Variants in CDK11B observed in about 807,000 individuals in gnomAD.
CDK11B encodes the protein cyclin dependent kinase 11B, also known as cyclin-dependent kinase 11B.
Under a neutral mutation model 84.0 loss-of-function variants are expected in CDK11B, and 37 were observed. The observed-to-expected ratio is 0.44, with a 90% CI of 0.34 to 0.58. CDK11B has a LOEUF of 0.58. Among genes scored for constraint, CDK11B ranks in the 20% least tolerant of loss-of-function variants. The probability of loss-of-function intolerance (pLI) is 0.02; values close to 1 mark genes in which losing one functional copy is unlikely to be tolerated. For missense variants in CDK11B, 427 were observed against 834.0 expected, an observed-to-expected ratio of 0.51 and a Z score of 6.01; for synonymous variants, 269 against 309.8, an observed-to-expected ratio of 0.87 and a Z score of 1.38.
intron 14 of CDK11B, 76 bp downstream of exon 14, chr1:1,637,332 C>A (rs1639506879): frequency 6.4e-7 from 1 of 1,573,740 alleles, no homozygotes; most frequent in African/African-American, 1.3e-5. Context: ...GCCCTCCCTG[C>A]AGCACTGTCA....
In CDK11B at chr1:1,658,918, ACGC is replaced by A; in HGVS notation, c.-21_-19del. ...GTCCGCCCAGTCGGAACTCACCCCTACGCCGCCGCCGCTGCCGCCGCCGCCGCC... is the reference window on the plus strand; with the variant it reads ...GTCCGCCCAGTCGGAACTCACCCCTACGCCGCCGCTGCCGCCGCCGCCGCC... On this transcript the variant is annotated 5_prime_UTR_variant, in exon 1 of 20. Transcript: ENST00000341832. 12 of 192,144 alleles carry A rather than the reference ACGC, an allele frequency of 6.2e-5. No individual in the cohort carries two copies. Among genetic ancestry groups the A allele is most frequent in the South Asian group, 1.4e-4 (2 of 14,038 alleles). 11.9% of individuals were successfully genotyped at this position (192,144 alleles called of 1,614,324 possible).
At chr1:1,655,920 A>C (rs982875986) in intron 2 of CDK11B, among the ~76,000 whole-genome samples, 1 of 152,136 alleles carries the variant, frequency 6.6e-6, no homozygotes, top group Non-Finnish European at 1.5e-5. Context: ...CTTTAATTCA[A>C]ATCTTATCAC....
intron 11 of CDK11B, among the ~76,000 whole-genome samples, chr1:1,638,833 G>A (rs1404453694): frequency 6.6e-6 from 1 of 152,002 alleles, no homozygotes; most frequent in Non-Finnish European, 1.5e-5. Context: ...AGGTGCAAGG[G>A]CTCAGGCCTG....
intron 3 of CDK11B, among the ~76,000 whole-genome samples, chr1:1,653,931 C>A (rs1258137826): frequency 1.3e-5 from 2 of 152,002 alleles, no homozygotes; most frequent in African/African-American, 4.8e-5. Context: ...CTCACTTGAA[C>A]CCGGGAGCTG....
rs577578288 is a variant in CDK11B at position 1,638,776 on chromosome 1, A to G, written c.1252-186T>C. 1.1e-4 allele frequency among the ~76,000 whole-genome samples: 17 copies of G among 152,328 alleles called. No homozygotes were observed. The East Asian group carries it at 2.7e-3, about 24-fold the overall frequency. On this transcript the variant is annotated intron_variant, in intron 11 of 19. Transcript: ENST00000341832. ...CTCTTTCCTTGCAAAACCATCTGACACTTTATTATGAAACAAAACCAGTGT... is the reference window on the plus strand; with the variant it reads ...CTCTTTCCTTGCAAAACCATCTGACGCTTTATTATGAAACAAAACCAGTGT...
At position 1,652,413 on chromosome 1, in the gene CDK11B, G is replaced by A. The variant is rs1642136923; in HGVS notation, c.355+26C>T. 20 of 1,482,998 alleles carry A rather than the reference G, an allele frequency of 1.3e-5. No homozygotes were observed. The South Asian group carries it at 2.2e-4, about 16-fold the overall frequency. The allele number at this position is 1,482,998 out of a possible 1,614,324, so 91.9% of individuals were successfully genotyped here. A position where few individuals can be genotyped will look rare whatever the true frequency, so the allele number is the denominator to read the frequency against. ...GAAAGAAACCACACTTGAACATGAT[G>A]TCAAAGAAAGTAAATGCTTCTGTAC... is the stretch of plus-strand genomic sequence containing the variant. On this transcript the variant is annotated intron_variant, in intron 4 of 19. Coordinates refer to ENST00000341832, the MANE Select transcript of CDK11B (RefSeq NM_033486.3).
chr1:1,649,917 A>G (rs1641676431), intron 4 of CDK11B, among the ~76,000 whole-genome samples: 1 of 146,608 alleles, frequency 6.8e-6, no homozygotes, highest in South Asian at 2.3e-4. Context: ...CGGAGGTTGC[A>G]GTGAGCCGAG....
rs1435930760 is a variant in CDK11B, at chr1:1,635,543, T to C, written c.*221A>G. The C allele has an allele frequency of 0.89, 431,742 of 484,928 alleles. 201,940 individuals are homozygous for C. Among genetic ancestry groups the C allele is most frequent in the East Asian group, 1 (23,522 of 23,560 alleles). The allele number at this position is 484,928 out of a possible 1,614,324, so 30.0% of individuals were successfully genotyped here. A position where few individuals can be genotyped will look rare whatever the true frequency, so the allele number is the denominator to read the frequency against. ...TGCCCCACGTGGGCACCCGAAGATG[T>C]CCACCCTCTCCGCCCTGGGCAAGTC... On this transcript the variant is annotated 3_prime_UTR_variant, in exon 20 of 20. Coordinates refer to ENST00000341832, the MANE Select transcript of CDK11B (RefSeq NM_033486.3).
chr1:1,656,519 G>A (rs1642770493), intron 2 of CDK11B, among the ~76,000 whole-genome samples: 1 of 152,072 alleles, frequency 6.6e-6, no homozygotes, highest in Admixed American at 6.6e-5. Flanking sequence ...GGGCGCGGAG[G>A]CTCATGCCTG....
intron 6 of CDK11B, among the ~76,000 whole-genome samples, chr1:1,643,396 C>T (rs1463597385): frequency 8.6e-5 from 13 of 150,604 alleles, no homozygotes; most frequent in African/African-American, 3.2e-4. Context: ...GGAAGAATCA[C>T]ATCATGAGAA....
chr1:1,640,669 C>G (rs6661107), intron 10 of CDK11B, among the ~76,000 whole-genome samples: 14,986 of 141,112 alleles, frequency 0.11, no homozygotes, highest in African/African-American at 0.3. Context: ...GAGGAGGCGT[C>G]GGGTGTCATG....
chr1:1,642,205 GCACA>G (rs1412926827), intron 7 of CDK11B, 177 bp downstream of exon 7: 1 of 581,770 alleles, frequency 1.7e-6, no homozygotes, highest in African/African-American at 2.1e-5. Context: ...TGTCCTGGCC[GCACA>G]CAGACACTCA....
chr1:1,636,146 G>A lies in CDK11B; in HGVS notation c.2067-20C>T, dbSNP rs2100644549. ...AGGAACCTGGGGGGAGAGGGCCAGA[G>A]GCCCAGGAGGTGCTCGTGTGCTCCA... On this transcript the variant is annotated intron_variant, in intron 18 of 19. Transcript: ENST00000341832. 1.7e-6 allele frequency: 1 copy of A among 585,806 alleles called. No individual in the cohort carries two copies. The highest frequency in any genetic ancestry group is 2.1e-5 in the South Asian group (1 of 48,396). The allele number at this position is 585,806 out of a possible 1,614,324, so 36.3% of individuals were successfully genotyped here.
At chr1:1,645,748 G>A (rs377622842) in intron 5 of CDK11B, 2 of 333,072 alleles carry the variant, frequency 6.0e-6, no homozygotes, top group African/African-American at 4.4e-5. Flanking sequence ...CATGGATTTT[G>A]GGCTCTGTGG....
chr1:1,638,023 G>A (rs551391322), intron 12 of CDK11B, 140 bp from the exon 13 acceptor site: 48 of 1,447,590 alleles, frequency 3.3e-5, no homozygotes, highest in Admixed American at 2.1e-4. Flanking sequence ...GTGGGGGCAC[G>A]TGGGCACCAG....
At chr1:1,645,360 G>C (rs1459810883) in intron 5 of CDK11B, 98 bp from the exon 6 acceptor site, 1 of 1,569,816 alleles carries the variant, frequency 6.4e-7, no homozygotes, top group African/African-American at 1.4e-5. Context: ...TTCAATCCGT[G>C]AAGTTTTTTT....
In CDK11B at chr1:1,652,000, G is replaced by A. The variant is rs1404658944; in HGVS notation, c.355+439C>T. On this transcript the variant is annotated intron_variant, in intron 4 of 19. Transcript: ENST00000341832. ...CTTCTGAATGGTCTGTGACACACGC[G>A]TGCTTTCAGCTAGAGTTTGCTCTCT... Among the ~76,000 whole-genome samples the A allele has an allele frequency of 6.9e-3, 910 of 132,420 alleles. 3 individuals are homozygous for A. The highest frequency in any genetic ancestry group is 0.01 in the Non-Finnish European group (643 of 62,446). The allele number at this position is 132,420 out of a possible 152,430, so 86.9% of individuals were successfully genotyped here.
At chr1:1,651,039 C>T (rs1641940557) in intron 4 of CDK11B, among the ~76,000 whole-genome samples, 1 of 152,200 alleles carries the variant, frequency 6.6e-6, no homozygotes, top group African/African-American at 2.4e-5. Flanking sequence ...GGCTTCTCCA[C>T]TGTGCAATGA....
chr1:1,649,307 C>T (rs1205198917), intron 5 of CDK11B, among the ~76,000 whole-genome samples, 192 bp downstream of exon 5: 1 of 151,892 alleles, frequency 6.6e-6, no homozygotes, highest in Non-Finnish European at 1.5e-5. Context: ...TTCACCATGT[C>T]AGCCAGGATG....
Sources: allele counts gnomAD v4.1 joint callset (sites outside exome capture counted in the v4.1 genomes callset), GRCh38; gene constraint gnomAD v4.1.1; transcripts MANE v1.5; gene names NCBI Gene and HGNC (gene_info 2026-07-23, HGNC 2026-07-21).